Variants in DIP2C observed in about 807,000 individuals in gnomAD.
The protein encoded by DIP2C is disco-interacting protein 2 homolog C.
DIP2C carries 33 observed loss-of-function variants against 192.4 expected under a neutral mutation model. The observed-to-expected ratio is 0.17, with a 90% CI of 0.13 to 0.23. DIP2C has a LOEUF of 0.23. Among genes scored for constraint, DIP2C ranks in the 10% least tolerant of loss-of-function variants. DIP2C has a pLI of 1.00. For missense variants in DIP2C, 1,537 were observed against 2,110.1 expected (o/e 0.73, Z 5.32); for synonymous variants, 979 against 864.1 (o/e 1.13, Z -2.33).
chr10:489,595 G>A (rs1347680778), intron 1 of DIP2C, among the ~76,000 whole-genome samples: 2 of 151,850 alleles, frequency 1.3e-5, no homozygotes, highest in Non-Finnish European at 2.9e-5. Flanking sequence ...TTCACACTAG[G>A]GACACAGTGG....
At chr10:340,175 T>C (rs1958073512) in intron 29 of DIP2C, among the ~76,000 whole-genome samples, 4 of 147,704 alleles carry the variant, frequency 2.7e-5, no homozygotes, top group Non-Finnish European at 6.0e-5. Flanking sequence ...AGCAAGACTG[T>C]CTCAAAAAAA....
chr10:286,216 C>G (rs1052051821), intron 34 of DIP2C, 57 bp downstream of exon 34: 2 of 1,553,102 alleles, frequency 1.3e-6, no homozygotes, highest in Non-Finnish European at 1.8e-6. Context: ...GGTGTCAAGG[C>G]AAGCCAAGGA....
At chr10:334,487 T>C (rs1957660622) in intron 29 of DIP2C, among the ~76,000 whole-genome samples, 2 of 152,130 alleles carry the variant, frequency 1.3e-5, no homozygotes, top group African/African-American at 2.4e-5. Flanking sequence ...TTATGTAGTA[T>C]ACCTTTGATG....
chr10:684,276 T>G (rs1831235493), intron 1 of DIP2C, among the ~76,000 whole-genome samples: 1 of 152,246 alleles, frequency 6.6e-6, no homozygotes, highest in Non-Finnish European at 1.5e-5. Context: ...ATGTTTTCAA[T>G]GCATCATGCA....
chr10:428,072 T>G (rs1038207863), intron 4 of DIP2C, among the ~76,000 whole-genome samples: 3 of 152,044 alleles, frequency 2.0e-5, no homozygotes, highest in Non-Finnish European at 4.4e-5. Flanking sequence ...AATTCAACAA[T>G]AAGAAGGAAT....
chr10:657,882 C>A (rs1307355594), intron 1 of DIP2C, among the ~76,000 whole-genome samples: 635 of 150,616 alleles, frequency 4.2e-3, no homozygotes, highest in African/African-American at 0.015. Context: ...TGTCCCTGGA[C>A]CTGCCCCTGG....
At chr10:487,575 T>TTTTTG (rs1564778043) in intron 1 of DIP2C, among the ~76,000 whole-genome samples, 3 of 124,312 alleles carry the variant, frequency 2.4e-5, no homozygotes, top group African/African-American at 9.5e-5. Flanking sequence ...GTGTTTTTTT[T>TTTTTG]TTTTTTTTTT....
chr10:495,539 T>A (rs1183633526), intron 1 of DIP2C, among the ~76,000 whole-genome samples: 2 of 151,508 alleles, frequency 1.3e-5, no homozygotes, highest in African/African-American at 4.9e-5. Context: ...GTGGAAAAAA[T>A]TCTGTTTCTT....
intron 1 of DIP2C, among the ~76,000 whole-genome samples, chr10:583,425 C>T (rs1226065571): frequency 2.0e-5 from 3 of 152,232 alleles, no homozygotes; most frequent in African/African-American, 7.2e-5. Flanking sequence ...ACATAAGGTC[C>T]TTTACGGAAG....
rs113855575 is a variant in DIP2C at position 425,427 on chromosome 10, A to G, written c.395-2394T>C. 1.2e-3 allele frequency among the ~76,000 whole-genome samples: 156 copies of G among 135,328 alleles called. 4 individuals carry two copies. The highest frequency in any genetic ancestry group is 3.7e-3 in the South Asian group (15 of 4,048). The allele number at this position is 135,328 out of a possible 152,430, so 88.8% of individuals were successfully genotyped here. ...ACACGGATGATACGGCATGACCAGC[A>G]GTGACTAATATGACACGGATGATAC... On this transcript the variant is annotated intron_variant, in intron 4 of 36. Transcript: ENST00000280886.
chr10:409,831 A>G (rs1004848093), intron 8 of DIP2C, among the ~76,000 whole-genome samples: 4 of 152,268 alleles, frequency 2.6e-5, no homozygotes, highest in Non-Finnish European at 5.9e-5. Context: ...TAAATGTAAC[A>G]GTCTGAGATC....
chr10:278,359 C>G (rs1362088750), intron 36 of DIP2C, among the ~76,000 whole-genome samples: 2 of 152,370 alleles, frequency 1.3e-5, no homozygotes, highest in East Asian at 1.9e-4. Context: ...GGAACCTGGT[C>G]AGCCTGTGTT....
At chr10:446,376 G>A (rs542145776) in intron 3 of DIP2C, among the ~76,000 whole-genome samples, 18 of 152,044 alleles carry the variant, frequency 1.2e-4, no homozygotes, top group Non-Finnish European at 2.5e-4. Context: ...CTGGGCATCT[G>A]TATACCTCTG....
At chr10:473,249 G>T (rs557578986) in intron 2 of DIP2C, among the ~76,000 whole-genome samples, 16 of 152,352 alleles carry the variant, frequency 1.1e-4, no homozygotes, top group African/African-American at 3.8e-4. Flanking sequence ...ATAACAGGGT[G>T]GCAAGGAACA....
intron 1 of DIP2C, chr10:668,079 ACAC>A (rs1857216646): frequency 1.3e-5 from 2 of 152,296 alleles, no homozygotes; most frequent in Admixed American, 1.3e-4. Context: ...CATACAACAC[ACAC>A]AACACATGCA....
intron 1 of DIP2C, among the ~76,000 whole-genome samples, chr10:537,757 C>T (rs993441275): frequency 6.6e-6 from 1 of 152,070 alleles, no homozygotes; most frequent in Non-Finnish European, 1.5e-5. Context: ...CTCTTGGGGT[C>T]TCCCTAAATA....
At position 387,710 on chromosome 10, in the gene DIP2C, T is replaced by G. The variant is rs75270282; in HGVS notation, c.1662+35A>C. ...AGGCAGGGCAGGGTGGGGGACTCCT[T>G]TGTGGACAGACACGGCCGGGGGGAC... is the stretch of plus-strand genomic sequence containing the variant. On this transcript the variant is annotated intron_variant, in intron 14 of 36. Transcript: ENST00000280886. The G allele has an allele frequency of 3.3e-3, 5,334 of 1,608,470 alleles. 34 individuals carry two copies. The highest frequency in any genetic ancestry group is 0.015 in the Middle Eastern group (93 of 6,040).
chr10:569,655 T>G (rs1187416756), intron 1 of DIP2C, among the ~76,000 whole-genome samples: 3 of 152,138 alleles, frequency 2.0e-5, no homozygotes, highest in African/African-American at 7.2e-5. Context: ...CTCCTTAAAT[T>G]TATTTAACTA....
chr10:648,241 C>T (rs1855600959), intron 1 of DIP2C, among the ~76,000 whole-genome samples: 2 of 147,546 alleles, frequency 1.4e-5, no homozygotes, highest in Admixed American at 6.8e-5. Context: ...CAGTCCAAGT[C>T]CACATTGGAC....
Sources: allele counts gnomAD v4.1 joint callset (sites outside exome capture counted in the v4.1 genomes callset), GRCh38; gene constraint gnomAD v4.1.1; transcripts MANE v1.5; gene names NCBI Gene and HGNC (gene_info 2026-07-23, HGNC 2026-07-21).